ATF7: variants seen among roughly 807,000 people sequenced by gnomAD.
ATF7 encodes cyclic AMP-dependent transcription factor ATF-7.
In ATF7, 10 loss-of-function variants were observed where a neutral mutation model predicts 50.4. That is an observed-to-expected ratio of 0.20 (90% CI 0.12 to 0.34). The LOEUF is 0.34. Ranked by LOEUF, ATF7 falls within the 10% of genes least tolerant of loss-of-function variation. The pLI, the probability that ATF7 is intolerant of heterozygous loss-of-function variation, is 1.00. For synonymous variants in ATF7, 201 were observed against 226.4 expected, an observed-to-expected ratio of 0.89 and a Z score of 1.01; for missense variants, 465 against 613.9, an observed-to-expected ratio of 0.76 and a Z score of 2.56.
intron 1 of ATF7, among the ~76,000 whole-genome samples, chr12:53,617,254 C>A (rs778417699): frequency 5.3e-5 from 8 of 152,108 alleles, no homozygotes; most frequent in Non-Finnish European, 1.0e-4. Context: ...AACTCCTGGG[C>A]CCAAGCCTCC....
intron 1 of ATF7, among the ~76,000 whole-genome samples, chr12:53,606,318 G>A (rs1050600481): frequency 6.6e-6 from 1 of 151,848 alleles, no homozygotes; most frequent in African/African-American, 2.4e-5. Context: ...GCATGATCTC[G>A]GCTCACCACA....
At chr12:53,601,645 G>C (rs1943412065) in intron 1 of ATF7, among the ~76,000 whole-genome samples, 2 of 152,308 alleles carry the variant, frequency 1.3e-5, no homozygotes, top group East Asian at 1.9e-4. Context: ...GTGGCAAATG[G>C]AGAAGTATCG....
chr12:53,583,633 T>C (rs906418315), intron 2 of ATF7, among the ~76,000 whole-genome samples: 3 of 152,108 alleles, frequency 2.0e-5, no homozygotes, highest in Non-Finnish European at 2.9e-5. Flanking sequence ...AGATGACTTT[T>C]GTATGGCGAT....
At chr12:53,559,289 G>A (rs898313738) in intron 2 of ATF7, among the ~76,000 whole-genome samples, 8 of 151,154 alleles carry the variant, frequency 5.3e-5, no homozygotes, top group East Asian at 2.0e-4. Flanking sequence ...TCTCAAACTC[G>A]TGGGCTCAAA....
Position 53,585,260 on chromosome 12 carries a change from A to T in ATF7, c.48+15693T>A, listed in dbSNP as rs377148950. On this transcript the variant is annotated intron_variant, in intron 2 of 11. Coordinates refer to ENST00000420353, the MANE Select transcript of ATF7 (RefSeq NM_006856.3). ...CAAAGTGTTGAGATTACAGGCATGA[A>T]CCACTGTGCCCGGCCTCATTATATA... Among the ~76,000 whole-genome samples, 309 of 152,224 alleles carry T rather than the reference A, an allele frequency of 2.0e-3. 1 individual carries two copies. The highest frequency in any genetic ancestry group is 7.1e-3 in the African/African-American group (297 of 41,550).
intron 2 of ATF7, among the ~76,000 whole-genome samples, chr12:53,587,366 C>CAAAAAAAAAAAAAAAAAAA (rs55904354): frequency 9.6e-5 from 6 of 62,294 alleles, no homozygotes; most frequent in African/African-American, 2.2e-4. Context: ...AATTCCGCAT[C>CAAAAAAAAAAAAAAAAAAA]AAAAAAAAAA....
chr12:53,527,176 T>A (rs1019244972), intron 9 of ATF7, among the ~76,000 whole-genome samples: 17 of 145,590 alleles, frequency 1.2e-4, no homozygotes, highest in Middle Eastern at 4.1e-3. Flanking sequence ...TAAAATAAAA[T>A]AAAAAAATTA....
intron 2 of ATF7, among the ~76,000 whole-genome samples, chr12:53,570,757 GTGTGTGTGTGTGTGTGTGTA>G: frequency 6.6e-6 from 1 of 151,672 alleles, no homozygotes; most frequent in East Asian, 1.9e-4. Context: ...GTGTGTGTGT[GTGTGTGTGTGTGTGTGTGTA>G]TGTCCAATTT....
intron 11 of ATF7, among the ~76,000 whole-genome samples, chr12:53,520,411 T>C (rs2137321874): frequency 6.6e-6 from 1 of 151,994 alleles, no homozygotes; most frequent in East Asian, 1.9e-4. Context: ...ACATCATCTC[T>C]AAAATAACAA....
chr12:53,540,352 C>CAAA (rs575991616), intron 4 of ATF7, among the ~76,000 whole-genome samples: 5 of 78,618 alleles, frequency 6.4e-5, no homozygotes, highest in African/African-American at 2.1e-4. Context: ...GACTCCGTCT[C>CAAA]AAAAAAAAAA....
chr12:53,602,123 T>TG lies in ATF7; in HGVS notation c.-21-1103dup, dbSNP rs137904185. ...TGGAAGGTGGAAGAGAAAAATGGAGTGGGGGGTAAAATAGTCTTATAAACT... is the reference window on the plus strand; with the variant it reads ...TGGAAGGTGGAAGAGAAAAATGGAGTGGGGGGGTAAAATAGTCTTATAAACT... On this transcript the variant is annotated intron_variant, in intron 1 of 11. Coordinates refer to ENST00000420353, the MANE Select transcript of ATF7 (RefSeq NM_006856.3). Among the ~76,000 whole-genome samples, 1,263 of 150,788 alleles carry TG rather than the reference T, an allele frequency of 8.4e-3. 13 individuals carry two copies. Among genetic ancestry groups the TG allele is most frequent in the African/African-American group, 0.029 (1,198 of 41,056 alleles).
chr12:53,605,987 A>G (rs1943585758), intron 1 of ATF7, among the ~76,000 whole-genome samples: 2 of 152,350 alleles, frequency 1.3e-5, no homozygotes, highest in South Asian at 2.1e-4. Flanking sequence ...AAGGCTACAC[A>G]TATTTTAAAT....
Position 53,517,120 on chromosome 12 carries a change from C to T in ATF7, c.*17G>A. 6.2e-7 allele frequency: 1 copy of T among 1,607,278 alleles called. No homozygotes were observed. The highest frequency in any genetic ancestry group is 8.5e-7 in the Non-Finnish European group (1 of 1,179,616). On this transcript the variant is annotated 3_prime_UTR_variant, in exon 12 of 12. Transcript: ENST00000420353. ...GCGGGCGAGCTCTGGCTGAGGACCT[C>T]TCCACCAGAGGAGGCATCATCTGCC...
At chr12:53,574,921 A>G (rs1941970773) in intron 2 of ATF7, 1 of 295,948 alleles carries the variant, frequency 3.4e-6, no homozygotes, top group African/African-American at 2.3e-5. Context: ...GTCAGAAAAT[A>G]AAGTTACTCT....
chr12:53,519,747 G>GT (rs1169224229), intron 11 of ATF7, among the ~76,000 whole-genome samples: 1 of 152,120 alleles, frequency 6.6e-6, no homozygotes, highest in African/African-American at 2.4e-5. Context: ...AACAGGATTT[G>GT]TTTTTTTGGT....
chr12:53,533,525 A>G, intron 6 of ATF7, among the ~76,000 whole-genome samples: 1 of 152,228 alleles, frequency 6.6e-6, no homozygotes, highest in East Asian at 1.9e-4. Context: ...AAGGGTTTAG[A>G]ACAATTAAAC....
intron 1 of ATF7, among the ~76,000 whole-genome samples, chr12:53,602,625 T>C (rs1025555589): frequency 2.0e-5 from 3 of 152,236 alleles, no homozygotes; most frequent in Non-Finnish European, 4.4e-5. Flanking sequence ...ACAGAGCCTA[T>C]ACGTACATAC....
chr12:53,553,806 G>A (rs1353951657), intron 2 of ATF7, among the ~76,000 whole-genome samples: 3 of 152,098 alleles, frequency 2.0e-5, no homozygotes, highest in Non-Finnish European at 4.4e-5. Context: ...TCTTCATCAC[G>A]TGTATACTTC....
At chr12:53,556,743 G>C (rs538333623) in intron 2 of ATF7, among the ~76,000 whole-genome samples, 3 of 152,302 alleles carry the variant, frequency 2.0e-5, no homozygotes, top group African/African-American at 4.8e-5. Flanking sequence ...GGCCACAGCT[G>C]GGGTGAGTGG....
Sources: allele counts gnomAD v4.1 joint callset (sites outside exome capture counted in the v4.1 genomes callset), GRCh38; gene constraint gnomAD v4.1.1; transcripts MANE v1.5; gene names NCBI Gene and HGNC (gene_info 2026-07-23, HGNC 2026-07-21).